KLHL4: variants seen among roughly 807,000 people sequenced by gnomAD.
KLHL4 encodes the protein kelch like family member 4.
Under a neutral mutation model 45.8 loss-of-function variants are expected in KLHL4, and 17 were observed. The ratio of observed to expected loss-of-function variants is 0.37; its 90% CI spans 0.25 to 0.56. The LOEUF (loss-of-function observed/expected upper bound fraction) is 0.56. Among genes scored for constraint, KLHL4 ranks in the 20% least tolerant of loss-of-function variants. The probability of loss-of-function intolerance (pLI) is 0.79; values close to 1 mark genes in which losing one functional copy is unlikely to be tolerated. For missense variants in KLHL4, 544 were observed against 544.9 expected (o/e 1.00, Z 0.02); for synonymous variants, 224 against 189.9 (o/e 1.18, Z -1.47).
chrX:87,659,320 A>G (rs1164715186), intron 9 of KLHL4, among the ~76,000 whole-genome samples: 1 of 108,680 alleles, frequency 9.2e-6, no homozygotes, highest in East Asian at 2.9e-4. Flanking sequence ...GAGTTTCACC[A>G]TATTGGCCAG....
intron 1 of KLHL4, among the ~76,000 whole-genome samples, chrX:87,552,272 C>A (rs1209558497): frequency 9.0e-6 from 1 of 110,671 alleles, no homozygotes; most frequent in Non-Finnish European, 1.9e-5. Context: ...ACACAAATGG[C>A]CAACAAACAT....
intron 1 of KLHL4, among the ~76,000 whole-genome samples, chrX:87,576,374 A>G (rs1177918228): frequency 8.9e-6 from 1 of 111,785 alleles, no homozygotes; most frequent in Non-Finnish European, 1.9e-5. Context: ...TAAAAACACA[A>G]TATACTCAAG....
At chrX:87,545,945 A>G (rs1931671282) in intron 1 of KLHL4, among the ~76,000 whole-genome samples, 2 of 111,847 alleles carry the variant, frequency 1.8e-5, no homozygotes, top group South Asian at 7.5e-4. Context: ...AGATCTGTGG[A>G]ACTTTGAACT....
chrX:87,600,955 C>G (rs1921998966), intron 1 of KLHL4, among the ~76,000 whole-genome samples: 2 of 111,634 alleles, frequency 1.8e-5, no homozygotes, highest in African/African-American at 6.5e-5. Context: ...AACGTCTATT[C>G]CTTGCTTTTT....
chrX:87,535,424 C>T (rs1285338764), intron 1 of KLHL4, among the ~76,000 whole-genome samples: 1 of 112,141 alleles, frequency 8.9e-6, no homozygotes, highest in Non-Finnish European at 1.9e-5. Flanking sequence ...ACAATTGTGA[C>T]ACTTTAAATC....
chrX:87,518,215 A>G lies in KLHL4; in HGVS notation c.322A>G (p.Lys108Glu). 8.3e-7 allele frequency: 1 copy of G among 1,211,316 alleles called. No homozygotes were observed. Among genetic ancestry groups the G allele is most frequent in the Middle Eastern group, 2.3e-4 (1 of 4,345 alleles). The change falls in exon 1 of 11, where the codon AAA becomes GAA. Residue 108 changes from lysine (K) to glutamate (E), a missense_variant. Physicochemically the swap from Lys to Glu is moderately conservative, Grantham distance 56. Coordinates refer to ENST00000373119, the MANE Select transcript of KLHL4 (RefSeq NM_019117.5). ...TTTTCAAGCAAATGAAGATACTCCT[A>G]AATCAGTTCCAGAGAAGAATTTATT... ...VHFQANEDTP[K>E]SVPEKNLFKE...
chrX:87,571,843 C>T (rs1932340021), intron 1 of KLHL4, among the ~76,000 whole-genome samples: 1 of 110,643 alleles, frequency 9.0e-6, no homozygotes, highest in African/African-American at 3.3e-5. Flanking sequence ...ATTTATTTGT[C>T]ATGTTTATGT....
At chrX:87,563,032 G>A (rs931803990) in intron 1 of KLHL4, among the ~76,000 whole-genome samples, 1 of 111,266 alleles carries the variant, frequency 9.0e-6, no homozygotes, top group Non-Finnish European at 1.9e-5. Flanking sequence ...GTACCTCTGT[G>A]AGTCTGCGAG....
intron 1 of KLHL4, among the ~76,000 whole-genome samples, chrX:87,531,122 T>A (rs1292733307): frequency 9.0e-6 from 1 of 111,124 alleles, no homozygotes; most frequent in Non-Finnish European, 1.9e-5. Flanking sequence ...GGGTTGTTTT[T>A]TTCTTGTAAA....
Position 87,518,016 on chromosome X carries a change from T to C in KLHL4, c.123T>C (p.Tyr41=), listed in dbSNP as rs1203682426. The part of the protein sequence containing the change: ...NTGSCLQQEG[Y]EHRGTPVQGR... ...GAAGCTGTCTTCAGCAGGAAGGATA[T>C]GAGCATAGAGGGACCCCGGTTCAGG... is the stretch of plus-strand genomic sequence containing the variant. Residue 41 remains tyrosine (Y), a synonymous_variant, in exon 1 of 11, where the codon TAT becomes TAC. Coordinates refer to ENST00000373119, the MANE Select transcript of KLHL4 (RefSeq NM_019117.5). 1 of 1,209,442 alleles carries C rather than the reference T, an allele frequency of 8.3e-7. No individual in the cohort carries two copies. Among genetic ancestry groups the C allele is most frequent in the Non-Finnish European group, 1.1e-6 (1 of 895,133 alleles).
At chrX:87,538,764 T>C (rs757304987) in intron 1 of KLHL4, among the ~76,000 whole-genome samples, 22 of 111,220 alleles carry the variant, frequency 2.0e-4, no homozygotes, top group African/African-American at 6.8e-4. Context: ...TCATTTTCAA[T>C]CCTTCACCTT....
intron 9 of KLHL4, among the ~76,000 whole-genome samples, chrX:87,642,043 G>A (rs748052463): frequency 1.8e-5 from 2 of 109,853 alleles, no homozygotes; most frequent in Non-Finnish European, 3.8e-5. Flanking sequence ...TACCATAGCT[G>A]ATGCTTTCTG....
intron 1 of KLHL4, among the ~76,000 whole-genome samples, chrX:87,537,916 T>A (rs1445904055): frequency 9.0e-6 from 1 of 111,479 alleles, no homozygotes; most frequent in Admixed American, 9.6e-5. Context: ...AAATGCTTTT[T>A]AGGGCACGCA....
chrX:87,635,117 G>A (rs147686260), intron 8 of KLHL4, among the ~76,000 whole-genome samples: 2,284 of 111,667 alleles, frequency 0.02, 27 homozygotes, highest in Middle Eastern at 0.033. Context: ...TGTCTTCTAA[G>A]TGATAATTTT....
At chrX:87,527,831 A>C (rs60576387) in intron 1 of KLHL4, among the ~76,000 whole-genome samples, 27,586 of 107,649 alleles carry the variant, frequency 0.26, 3,043 homozygotes, top group East Asian at 0.53. Context: ...AAAAAAAAAC[A>C]ATTGTTCTAC....
At chrX:87,537,143 A>G (rs1232239314) in intron 1 of KLHL4, among the ~76,000 whole-genome samples, 6 of 111,468 alleles carry the variant, frequency 5.4e-5, no homozygotes, top group Non-Finnish European at 1.1e-4. Context: ...CCAAGGTTGC[A>G]TCTACAATAC....
At chrX:87,577,379 T>C (rs1228955740) in intron 1 of KLHL4, among the ~76,000 whole-genome samples, 3 of 111,850 alleles carry the variant, frequency 2.7e-5, no homozygotes, top group African/African-American at 9.7e-5. Context: ...ATTCTGTTTT[T>C]AGTAGTGGTA....
At chrX:87,611,694 T>TATACTATACTA (rs1337676464) in intron 1 of KLHL4, among the ~76,000 whole-genome samples, 3 of 110,817 alleles carry the variant, frequency 2.7e-5, no homozygotes, top group Non-Finnish European at 3.8e-5. Flanking sequence ...TATACTATAC[T>TATACTATACTA]ATTTTTACCA....
chrX:87,654,425 T>G (rs1334670326), intron 9 of KLHL4, among the ~76,000 whole-genome samples: 3 of 103,154 alleles, frequency 2.9e-5, no homozygotes, highest in African/African-American at 1.3e-4. Flanking sequence ...AGTTATTTTG[T>G]TTAAGACATG....
Sources: allele counts gnomAD v4.1 joint callset (sites outside exome capture counted in the v4.1 genomes callset), GRCh38; gene constraint gnomAD v4.1.1; transcripts MANE v1.5; gene names NCBI Gene and HGNC (gene_info 2026-07-23, HGNC 2026-07-21).